CEP128: variants seen among roughly 807,000 people sequenced by gnomAD.
CEP128 encodes the protein centrosomal protein 128kDa.
CEP128 carries 132 observed loss-of-function variants against 156.7 expected under a neutral mutation model. That is an observed-to-expected ratio of 0.84 (90% CI 0.73 to 0.97). CEP128 has a LOEUF of 0.97. Ranked by LOEUF, CEP128 falls within the 50% of genes least tolerant of loss-of-function variation. CEP128 has a pLI of 0.00. For missense variants in CEP128, 1,252 were observed against 1,281.9 expected (o/e 0.98, Z 0.36); for synonymous variants, 469 against 448.9 (o/e 1.04, Z -0.57).
At chr14:80,897,704 C>T (rs1889410479) in intron 7 of CEP128, among the ~76,000 whole-genome samples, 1 of 152,176 alleles carries the variant, frequency 6.6e-6, no homozygotes, top group Non-Finnish European at 1.5e-5. Flanking sequence ...CATCTCTCTC[C>T]TGCTATAATC....
intron 19 of CEP128, among the ~76,000 whole-genome samples, chr14:80,699,166 A>G (rs1158657214): frequency 6.6e-6 from 1 of 152,158 alleles, no homozygotes; most frequent in African/African-American, 2.4e-5. Context: ...TGCCTTAGGG[A>G]TACGTCAGCC....
At chr14:80,869,961 C>T (rs763509085) in intron 8 of CEP128, among the ~76,000 whole-genome samples, 8 of 151,930 alleles carry the variant, frequency 5.3e-5, no homozygotes, top group Non-Finnish European at 1.2e-4. Flanking sequence ...TAAGAAAATA[C>T]TATGAACAAT....
At chr14:80,807,416 T>C (rs1884242826) in intron 13 of CEP128, among the ~76,000 whole-genome samples, 1 of 152,006 alleles carries the variant, frequency 6.6e-6, no homozygotes, top group African/African-American at 2.4e-5. Context: ...AGAACCAAAA[T>C]TACAAATAGA....
At chr14:80,937,385 A>C (rs7159065) in intron 2 of CEP128, among the ~76,000 whole-genome samples, 35,374 of 152,028 alleles carry the variant, frequency 0.23, 4,465 homozygotes, top group South Asian at 0.34. Context: ...TTAACCTAGG[A>C]AGATAAAATA....
At chr14:80,578,570 T>C (rs75735662) in intron 20 of CEP128, among the ~76,000 whole-genome samples, 12,765 of 152,170 alleles carry the variant, frequency 0.084, 683 homozygotes, top group African/African-American at 0.14. Context: ...GATGAGAAAA[T>C]AGGCACAGCA....
chr14:80,513,967 C>T (rs1251726534), intron 23 of CEP128, among the ~76,000 whole-genome samples: 4 of 152,172 alleles, frequency 2.6e-5, no homozygotes, highest in Non-Finnish European at 5.9e-5. Flanking sequence ...CACCTTTTAA[C>T]GATCTGAATA....
chr14:80,703,316 TC>T (rs1298448101), intron 19 of CEP128, among the ~76,000 whole-genome samples: 1 of 152,074 alleles, frequency 6.6e-6, no homozygotes, highest in African/African-American at 2.4e-5. Flanking sequence ...TATAGCATCT[TC>T]CATCAGACTG....
At chr14:80,717,615 T>TA (rs1025527539) in intron 19 of CEP128, among the ~76,000 whole-genome samples, 17 of 151,476 alleles carry the variant, frequency 1.1e-4, no homozygotes, top group African/African-American at 3.6e-4. Flanking sequence ...GTGCAAAGGT[T>TA]AAAAAAAAAC....
rs148672111 is a variant in CEP128, at chr14:80,744,220, A to G, written c.2614-953T>C. Reference sequence around the variant, plus strand: ...AGATATTTAAAACAAGAATAGGAAAAGAAATATTTCTTTCACCTTCAATAC... The same window carrying G: ...AGATATTTAAAACAAGAATAGGAAAGGAAATATTTCTTTCACCTTCAATAC... On this transcript the variant is annotated intron_variant, in intron 18 of 24. Transcript: ENST00000555265. Among the ~76,000 whole-genome samples the G allele has an allele frequency of 1.6e-3, 240 of 152,196 alleles. 2 individuals carry two copies. The highest frequency in any genetic ancestry group is 0.011 in the East Asian group (58 of 5,170).
At chr14:80,478,177 A>G (rs1886980963) in exon 15 of CEP128, 1 of 152,158 alleles carries the variant, frequency 6.6e-6, no homozygotes, top group Admixed American at 6.5e-5. Flanking sequence ...TTTTTAAAAA[A>G]TCACTTGGCA....
intron 16 of CEP128, among the ~76,000 whole-genome samples, chr14:80,768,082 T>A (rs955939683): frequency 1.3e-5 from 2 of 152,154 alleles, no homozygotes; most frequent in East Asian, 1.9e-4. Context: ...TTTGAGCACA[T>A]TAAATGTGTC....
chr14:80,862,166 A>G (rs149198189), intron 9 of CEP128, among the ~76,000 whole-genome samples: 1 of 152,312 alleles, frequency 6.6e-6, no homozygotes, highest in East Asian at 1.9e-4. Flanking sequence ...TTTTCTGTAA[A>G]GGGCCAAACT....
chr14:80,958,688 A>G (rs1886849075), intron 1 of CEP128, among the ~76,000 whole-genome samples: 2 of 152,048 alleles, frequency 1.3e-5, no homozygotes, highest in Non-Finnish European at 2.9e-5. Context: ...GACAAGAAAG[A>G]TCTAAGTTAT....
intron 13 of CEP128, among the ~76,000 whole-genome samples, chr14:80,803,329 C>T (rs1420340967): frequency 6.9e-6 from 1 of 144,632 alleles, no homozygotes; most frequent in East Asian, 2.0e-4. Flanking sequence ...AGAAATGATA[C>T]TTTCTTCAAA....
chr14:80,881,425 C>T (rs912893928), intron 8 of CEP128, among the ~76,000 whole-genome samples: 5 of 152,100 alleles, frequency 3.3e-5, no homozygotes, highest in African/African-American at 9.7e-5. Flanking sequence ...AGATAAAAGA[C>T]GTAACATGTC....
At chr14:80,955,251 C>A in intron 2 of CEP128, 1 of 328,964 alleles carries the variant, frequency 3.0e-6, no homozygotes, top group Non-Finnish European at 5.9e-6. Flanking sequence ...GTCTAGAAGG[C>A]TACACGCTAG....
intron 19 of CEP128, among the ~76,000 whole-genome samples, chr14:80,666,061 A>G (rs1328150638): frequency 6.6e-6 from 1 of 152,152 alleles, no homozygotes; most frequent in Non-Finnish European, 1.5e-5. Flanking sequence ...AAAAATCAGG[A>G]GAGGACAACC....
At chr14:80,822,359 C>A (rs1479296138) in intron 13 of CEP128, among the ~76,000 whole-genome samples, 3 of 152,122 alleles carry the variant, frequency 2.0e-5, no homozygotes, top group Admixed American at 1.3e-4. Context: ...TTGGCCAAAA[C>A]AAAGGGGCTA....
At chr14:80,951,906 G>A (rs576561134) in intron 2 of CEP128, among the ~76,000 whole-genome samples, 4 of 151,954 alleles carry the variant, frequency 2.6e-5, no homozygotes, top group African/African-American at 9.6e-5. Context: ...TATAAAGAAG[G>A]CCATTTAATA....
Sources: gnomAD v4.1 joint callset for allele counts (sites outside exome capture counted in the v4.1 genomes callset) on GRCh38, gnomAD v4.1.1 for gene constraint, MANE v1.5 for transcripts, NCBI Gene and HGNC (gene_info 2026-07-23, HGNC 2026-07-21) for gene names.